Variants in PTPRO observed in about 807,000 individuals in gnomAD.
PTPRO encodes protein tyrosine phosphatase receptor type O.
Under a neutral mutation model 145.2 loss-of-function variants are expected in PTPRO, and 62 were observed. The ratio of observed to expected loss-of-function variants is 0.43; its 90% CI spans 0.35 to 0.53. The LOEUF (loss-of-function observed/expected upper bound fraction) is 0.53, where lower values mean the gene tolerates loss of function less well. Ranked by LOEUF, PTPRO falls within the 20% of genes least tolerant of loss-of-function variation. The probability of loss-of-function intolerance (pLI) is 0.01; values close to 1 mark genes in which losing one functional copy is unlikely to be tolerated. For synonymous variants in PTPRO, 565 were observed against 514.7 expected (o/e 1.10, Z -1.32); for missense variants, 1,345 against 1,482.7 (o/e 0.91, Z 1.53).
intron 24 of PTPRO, among the ~76,000 whole-genome samples, chr12:15,587,820 A>T (rs915897577): frequency 2.0e-5 from 3 of 152,216 alleles, no homozygotes; most frequent in Admixed American, 6.5e-5. Flanking sequence ...TGGCAGTGGG[A>T]TGAAGATGTG....
chr12:15,435,674 T>C (rs779687523), intron 1 of PTPRO, among the ~76,000 whole-genome samples: 7 of 152,130 alleles, frequency 4.6e-5, no homozygotes, highest in South Asian at 2.1e-4. Flanking sequence ...TTTCTCTTGA[T>C]TGAGAATTTC....
intron 12 of PTPRO, among the ~76,000 whole-genome samples, chr12:15,537,603 G>C (rs1943091257): frequency 6.6e-6 from 1 of 151,788 alleles, no homozygotes; most frequent in Non-Finnish European, 1.5e-5. Flanking sequence ...CATGGTGACG[G>C]GAAAAAAAAA....
At chr12:15,575,473 C>G (rs1267653394) in intron 19 of PTPRO, among the ~76,000 whole-genome samples, 1 of 152,162 alleles carries the variant, frequency 6.6e-6, no homozygotes, top group Admixed American at 6.5e-5. Flanking sequence ...TGATCTTGGA[C>G]TTCCCAGCCT....
chr12:15,412,347 T>C (rs1430151078), intron 1 of PTPRO, among the ~76,000 whole-genome samples: 1 of 152,248 alleles, frequency 6.6e-6, no homozygotes, highest in African/African-American at 2.4e-5. Context: ...TTAACAGTTA[T>C]ATGTCTGGCC....
intron 1 of PTPRO, among the ~76,000 whole-genome samples, chr12:15,398,416 G>T (rs1170472151): frequency 6.6e-6 from 1 of 150,864 alleles, no homozygotes; most frequent in African/African-American, 2.4e-5. Flanking sequence ...GAGCGCAGTG[G>T]AGAAAACAGA....
rs116467058 is a variant in PTPRO, at chr12:15,529,951, C to T, written c.2164+3689C>T. Among the ~76,000 whole-genome samples, 1,297 of 152,144 alleles carry T rather than the reference C, an allele frequency of 8.5e-3. 31 individuals carry two copies. The highest frequency in any genetic ancestry group is 0.03 in the African/African-American group (1,235 of 41,492). On this transcript the variant is annotated intron_variant, in intron 12 of 26. Coordinates refer to ENST00000281171, the MANE Select transcript of PTPRO (RefSeq NM_030667.3). ...GGCTGAATGGATAAAGAAATAAGAC[C>T]CAACTATATGCTGCCTTTGAGAAAC...
intron 1 of PTPRO, among the ~76,000 whole-genome samples, chr12:15,433,447 T>G (rs144498084): frequency 6.6e-6 from 1 of 152,350 alleles, no homozygotes; most frequent in African/African-American, 2.4e-5. Flanking sequence ...CCTCCCAAAG[T>G]GCTGGGATTA....
In PTPRO at chr12:15,597,872, G is replaced by A. The variant is rs1944689903; in HGVS notation, c.*1799G>A. Among the ~76,000 whole-genome samples, 1 of 152,150 alleles carries A rather than the reference G, an allele frequency of 6.6e-6. No individual in the cohort carries two copies. The highest frequency in any genetic ancestry group is 2.4e-5 in the African/African-American group (1 of 41,432). ...GAACAAACATGGTTAATGAAAGGTG[G>A]CAAAGGGATGTGTGACATTCTTAGA... On this transcript the variant is annotated 3_prime_UTR_variant, in exon 27 of 27. Coordinates refer to ENST00000281171, the MANE Select transcript of PTPRO (RefSeq NM_030667.3).
intron 24 of PTPRO, among the ~76,000 whole-genome samples, chr12:15,588,789 G>A (rs1944483500): frequency 6.6e-6 from 1 of 152,194 alleles, no homozygotes; most frequent in Non-Finnish European, 1.5e-5. Context: ...TATTGTTTAT[G>A]TGTATCAGCT....
chr12:15,350,137 C>G (rs1937752028), intron 1 of PTPRO, among the ~76,000 whole-genome samples: 1 of 152,160 alleles, frequency 6.6e-6, no homozygotes, highest in African/African-American at 2.4e-5. Flanking sequence ...GGAGAAATCT[C>G]CTGTTTCTAA....
chr12:15,505,772 C>A (rs1345728168), intron 6 of PTPRO, among the ~76,000 whole-genome samples: 1 of 152,170 alleles, frequency 6.6e-6, no homozygotes, highest in Non-Finnish European at 1.5e-5. Flanking sequence ...ATATTTGCAG[C>A]CTGTTTTTCC....
chr12:15,444,447 C>G (rs1940850174), intron 1 of PTPRO, among the ~76,000 whole-genome samples: 1 of 151,898 alleles, frequency 6.6e-6, no homozygotes. Flanking sequence ...CACAATATAT[C>G]CAGATAACAA....
intron 1 of PTPRO, among the ~76,000 whole-genome samples, chr12:15,352,375 G>A (rs1212135046): frequency 1.3e-5 from 2 of 152,176 alleles, no homozygotes; most frequent in African/African-American, 4.8e-5. Flanking sequence ...TTTCAGCCAG[G>A]CGTGGTGGCT....
At chr12:15,363,098 T>G (rs1482427064) in intron 1 of PTPRO, among the ~76,000 whole-genome samples, 1 of 152,224 alleles carries the variant, frequency 6.6e-6, no homozygotes, top group African/African-American at 2.4e-5. Context: ...TTAATTTCTG[T>G]GCCGACCTTG....
At chr12:15,567,496 A>G (rs1282236825) in intron 18 of PTPRO, among the ~76,000 whole-genome samples, 1 of 151,020 alleles carries the variant, frequency 6.6e-6, no homozygotes, top group Non-Finnish European at 1.5e-5. Context: ...TCTGTTTGCT[A>G]TTCCTTCCTC....
At chr12:15,581,822 C>A (rs1356884170) in intron 23 of PTPRO, 21 bp downstream of exon 23, 2 of 1,613,202 alleles carry the variant, frequency 1.2e-6, no homozygotes, top group South Asian at 1.1e-5. Flanking sequence ...AGGCAGAGAG[C>A]AGGTGCTGTC....
intron 19 of PTPRO, among the ~76,000 whole-genome samples, chr12:15,577,313 G>T (rs1944208005): frequency 6.6e-6 from 1 of 152,202 alleles, no homozygotes; most frequent in African/African-American, 2.4e-5. Flanking sequence ...GCTACAGTCA[G>T]GCAACCCAAT....
rs145710966 is a variant in PTPRO at position 15,382,650 on chromosome 12, T to C, written c.75+59849T>C. ...CTCCTTTAAAACAAAAGGCAATATA[T>C]TCATTTGTCAAGTGACAGGAAGTCT... On this transcript the variant is annotated intron_variant, in intron 1 of 26. Transcript: ENST00000281171. 3.3e-5 allele frequency among the ~76,000 whole-genome samples: 5 copies of C among 152,354 alleles called. No homozygotes were observed. The East Asian group carries it at 9.6e-4, about 29-fold the overall frequency.
chr12:15,547,994 T>C (rs1053714012), intron 13 of PTPRO, among the ~76,000 whole-genome samples: 3 of 152,220 alleles, frequency 2.0e-5, no homozygotes, highest in African/African-American at 7.2e-5. Flanking sequence ...AATAAGTTAA[T>C]ACTAAATGTT....
Sources: gnomAD v4.1 joint callset for allele counts (sites outside exome capture counted in the v4.1 genomes callset) on GRCh38, gnomAD v4.1.1 for gene constraint, MANE v1.5 for transcripts, NCBI Gene and HGNC (gene_info 2026-07-23, HGNC 2026-07-21) for gene names.